Variants in MARCHF1 observed in about 807,000 individuals in gnomAD.
MARCHF1 encodes membrane associated ring-CH-type finger 1, also known as E3 ubiquitin-protein ligase MARCHF1.
In MARCHF1, 40 loss-of-function variants were observed where a neutral mutation model predicts 54.2. That is an observed-to-expected ratio of 0.74 (90% CI 0.57 to 0.96). MARCHF1 has a LOEUF of 0.96. Among genes scored for constraint, MARCHF1 ranks in the 40% least tolerant of loss-of-function variants. MARCHF1 has a pLI of 0.00. For synonymous variants in MARCHF1, 236 were observed against 236.3 expected (o/e 1.00, Z 0.01); for missense variants, 586 against 656.5 (o/e 0.89, Z 1.17).
At chr4:164,130,177 G>A (rs976622072) in intron 1 of MARCHF1, 1 of 152,036 alleles carries the variant, frequency 6.6e-6, no homozygotes, top group African/African-American at 2.4e-5. Flanking sequence ...TATCCAGAAA[G>A]AGAAATGGAA....
intron 5 of MARCHF1, among the ~76,000 whole-genome samples, chr4:163,624,682 C>G (rs1348467059): frequency 6.6e-6 from 1 of 152,190 alleles, no homozygotes; most frequent in Non-Finnish European, 1.5e-5. Context: ...CCTGGACTAT[C>G]TCCTGTGCTC....
intron 1 of MARCHF1, among the ~76,000 whole-genome samples, chr4:164,241,422 G>C (rs186259331): frequency 1.1e-3 from 175 of 152,208 alleles, no homozygotes; most frequent in African/African-American, 3.9e-3. Context: ...TAATTGTCCT[G>C]AGTTCACACC....
At chr4:163,840,013 T>C (rs1054511552) in intron 4 of MARCHF1, among the ~76,000 whole-genome samples, 1 of 152,110 alleles carries the variant, frequency 6.6e-6, no homozygotes, top group Non-Finnish European at 1.5e-5. Flanking sequence ...ATATCAATAT[T>C]TGAACATAAA....
rs570642920 is a variant in MARCHF1 at position 163,593,699 on chromosome 4, AT to A, written c.1011-7771del. ...ACATCAAAGAAAGTCTCAAGTTGCC[AT>A]GGATAATTGACAAAGCAGGCACTTT... is the stretch of plus-strand genomic sequence containing the variant. On this transcript the variant is annotated intron_variant, in intron 7 of 9. Transcript: ENST00000514618. Among the ~76,000 whole-genome samples the A allele has an allele frequency of 1.6e-3, 242 of 152,318 alleles. 1 individual carries two copies. Among genetic ancestry groups the A allele is most frequent in the African/African-American group, 5.5e-3 (230 of 41,566 alleles).
chr4:163,853,260 G>C (rs1441489953), intron 4 of MARCHF1, among the ~76,000 whole-genome samples: 1 of 151,904 alleles, frequency 6.6e-6, no homozygotes, highest in Non-Finnish European at 1.5e-5. Flanking sequence ...AATAAATCAG[G>C]CTAATCAAAA....
intron 2 of MARCHF1, among the ~76,000 whole-genome samples, chr4:164,049,441 C>T (rs531303751): frequency 1.5e-4 from 22 of 148,272 alleles, no homozygotes; most frequent in African/African-American, 4.9e-4. Context: ...ATACTATAAT[C>T]TTTTTTTTTT....
At chr4:164,350,833 G>A (rs899993779) in intron 1 of MARCHF1, among the ~76,000 whole-genome samples, 1 of 151,840 alleles carries the variant, frequency 6.6e-6, no homozygotes, top group African/African-American at 2.4e-5. Context: ...GGTGATTTCT[G>A]CATTTCCATC....
intron 1 of MARCHF1, among the ~76,000 whole-genome samples, chr4:164,266,598 AG>A (rs1733617524): frequency 6.6e-6 from 1 of 152,168 alleles, no homozygotes; most frequent in South Asian, 2.1e-4. Flanking sequence ...GTGATTTTTC[AG>A]GTTCACTTTT....
intron 5 of MARCHF1, among the ~76,000 whole-genome samples, chr4:163,679,082 A>G: frequency 6.6e-6 from 1 of 152,182 alleles, no homozygotes; most frequent in East Asian, 1.9e-4. Context: ...GTGGCCATAA[A>G]TCATTATGTG....
chr4:163,817,173 A>G (rs1748555659), intron 4 of MARCHF1, among the ~76,000 whole-genome samples: 1 of 152,032 alleles, frequency 6.6e-6, no homozygotes, highest in Admixed American at 6.6e-5. Flanking sequence ...CTTCCTAATT[A>G]CATCTCACTC....
chr4:163,684,179 C>T (rs553249289), intron 5 of MARCHF1, among the ~76,000 whole-genome samples: 1 of 152,262 alleles, frequency 6.6e-6, no homozygotes, highest in African/African-American at 2.4e-5. Context: ...AAAGGTTCGC[C>T]TAGTTTCAAG....
intron 1 of MARCHF1, chr4:164,330,097 C>T (rs779791423): frequency 7.9e-5 from 12 of 151,964 alleles, no homozygotes; most frequent in Non-Finnish European, 1.6e-4. Context: ...TGTAAGAATG[C>T]CAAGTCCATG....
At chr4:163,984,977 G>A (rs1752833748) in intron 3 of MARCHF1, among the ~76,000 whole-genome samples, 6 of 152,136 alleles carry the variant, frequency 3.9e-5, no homozygotes, top group Admixed American at 3.9e-4. Context: ...TTCCCAAGGT[G>A]TAGGTGAACC....
chr4:164,197,207 C>T (rs1428607042), intron 1 of MARCHF1: 1 of 1,610,028 alleles, frequency 6.2e-7, no homozygotes, highest in South Asian at 1.1e-5. Context: ...TCATGCTCAC[C>T]CTCCTCCTCG....
At chr4:163,847,523 A>T (rs1393565509) in intron 4 of MARCHF1, among the ~76,000 whole-genome samples, 8 of 122,858 alleles carry the variant, frequency 6.5e-5, no homozygotes, top group East Asian at 2.2e-4. Flanking sequence ...TTTTTTTTTC[A>T]TTTGATCTTT....
chr4:163,599,883 A>G lies in MARCHF1; in HGVS notation c.1010+12388T>C, dbSNP rs113969140. The stretch of plus-strand genomic sequence containing the variant: ...AAGGGTCATTTGCAAATGAATTGCA[A>G]TTTTCCATACCAATGAGAAATTTGA... On this transcript the variant is annotated intron_variant, in intron 7 of 9. Transcript: ENST00000514618. Among the ~76,000 whole-genome samples the G allele has an allele frequency of 4.0e-4, 61 of 152,306 alleles. 1 individual carries two copies. The highest frequency in any genetic ancestry group is 1.4e-3 in the African/African-American group (59 of 41,584).
rs79351766 is a variant in MARCHF1 at position 163,677,256 on chromosome 4, C to T, written c.162+23557G>A. On this transcript the variant is annotated intron_variant, in intron 5 of 9. Coordinates refer to ENST00000514618, the MANE Select transcript of MARCHF1 (RefSeq NM_001394959.1). ...TAAATTAGATCATGTCATTTCCCTACGGAAATTCTATAGCTTCCCCCGTTA... is the reference window on the plus strand; with the variant it reads ...TAAATTAGATCATGTCATTTCCCTATGGAAATTCTATAGCTTCCCCCGTTA... 1.7e-3 allele frequency among the ~76,000 whole-genome samples: 255 copies of T among 152,288 alleles called. 3 individuals are homozygous for T. In the East Asian group the frequency reaches 0.04, roughly 24 times the overall value.
chr4:164,205,656 A>T (rs1211855282), intron 1 of MARCHF1, among the ~76,000 whole-genome samples: 1 of 152,148 alleles, frequency 6.6e-6, no homozygotes, highest in Non-Finnish European at 1.5e-5. Context: ...TCTTTGAAAT[A>T]CTTGCTAGAA....
chr4:163,880,419 TAATATA>T (rs1258777506), intron 3 of MARCHF1, among the ~76,000 whole-genome samples: 2 of 150,964 alleles, frequency 1.3e-5, no homozygotes, highest in African/African-American at 2.4e-5. Flanking sequence ...ACTTTAAAAG[TAATATA>T]AATATAATTT....
Sources: gnomAD v4.1 joint callset for allele counts (sites outside exome capture counted in the v4.1 genomes callset) on GRCh38, gnomAD v4.1.1 for gene constraint, MANE v1.5 for transcripts, NCBI Gene and HGNC (gene_info 2026-07-23, HGNC 2026-07-21) for gene names.